CEP112: variants seen among roughly 807,000 people sequenced by gnomAD.
The protein encoded by CEP112 is centrosomal protein 112.
In CEP112, 127 loss-of-function variants were observed where a neutral mutation model predicts 153.0. The ratio of observed to expected loss-of-function variants is 0.83; its 90% CI spans 0.72 to 0.96. CEP112 has a LOEUF of 0.96. Ranked by LOEUF, CEP112 falls within the 40% of genes least tolerant of loss-of-function variation. The pLI is 0.00. For missense variants in CEP112, 1,089 were observed against 1,101.2 expected (o/e 0.99, Z 0.16); for synonymous variants, 358 against 374.4 (o/e 0.96, Z 0.51).
chr17:65,856,184 G>A (rs1444519955), intron 20 of CEP112, among the ~76,000 whole-genome samples: 2 of 152,144 alleles, frequency 1.3e-5, no homozygotes, highest in East Asian at 3.8e-4. Context: ...AAGTGAAAAT[G>A]ATAGGAAAAA....
chr17:65,864,076 G>A (rs1394713179), intron 20 of CEP112, among the ~76,000 whole-genome samples: 1 of 150,988 alleles, frequency 6.6e-6, no homozygotes, highest in Non-Finnish European at 1.5e-5. Flanking sequence ...GGGAGGCAGA[G>A]GTTGCAGTGA....
intron 4 of CEP112, among the ~76,000 whole-genome samples, chr17:66,170,284 C>A (rs532145826): frequency 6.6e-6 from 1 of 152,168 alleles, no homozygotes; most frequent in South Asian, 2.1e-4. Context: ...CTTTATCAGA[C>A]CTCCATGGTA....
chr17:65,693,811 C>T (rs2048235202), intron 23 of CEP112, among the ~76,000 whole-genome samples: 1 of 152,132 alleles, frequency 6.6e-6, no homozygotes, highest in African/African-American at 2.4e-5. Context: ...GGAGACAGGA[C>T]CTCTGGCAGG....
chr17:65,820,760 AT>A (rs1214995216), intron 21 of CEP112, among the ~76,000 whole-genome samples: 2 of 152,186 alleles, frequency 1.3e-5, no homozygotes, highest in Non-Finnish European at 2.9e-5. Context: ...ACAGGCCTAA[AT>A]TTATAGAAAT....
rs142360483 is a variant in CEP112 at position 65,849,937 on chromosome 17, C to T, written c.2394+1867G>A. On this transcript the variant is annotated intron_variant, in intron 21 of 26. Coordinates refer to ENST00000535342, the MANE Select transcript of CEP112 (RefSeq NM_001199165.4). ...GGGAGGTCGAGTTGGGTGGATTGTCCGAAGTCAGGAGTTTGAGACCATCCT... is the reference window on the plus strand; with the variant it reads ...GGGAGGTCGAGTTGGGTGGATTGTCTGAAGTCAGGAGTTTGAGACCATCCT... Among the ~76,000 whole-genome samples, 846 of 151,960 alleles carry T rather than the reference C, an allele frequency of 5.6e-3. 10 individuals carry two copies. Among genetic ancestry groups the T allele is most frequent in the African/African-American group, 0.019 (799 of 41,452 alleles).
At chr17:65,913,113 T>C (rs2060346768) in intron 19 of CEP112, among the ~76,000 whole-genome samples, 1 of 152,222 alleles carries the variant, frequency 6.6e-6, no homozygotes, top group Non-Finnish European at 1.5e-5. Flanking sequence ...TTTAACATCA[T>C]CAGGTTATGT....
rs528969581 is a variant in CEP112, at chr17:66,101,652, T to A, written c.643-5020A>T. Among the ~76,000 whole-genome samples, 4 of 152,132 alleles carry A rather than the reference T, an allele frequency of 2.6e-5. No individual in the cohort carries two copies. In the South Asian group the frequency reaches 8.3e-4, roughly 31 times the overall value. On this transcript the variant is annotated intron_variant, in intron 6 of 26. Coordinates refer to ENST00000535342, the MANE Select transcript of CEP112 (RefSeq NM_001199165.4). Reference sequence around the variant, plus strand: ...TTGTAAAAAAAAAAACTGGTTTCTTTAACAAGATAGCATAAACCTAATTGA... The same window carrying A: ...TTGTAAAAAAAAAAACTGGTTTCTTAAACAAGATAGCATAAACCTAATTGA...
At chr17:65,825,099 AATGG>A (rs2056775557) in intron 21 of CEP112, among the ~76,000 whole-genome samples, 1 of 152,350 alleles carries the variant, frequency 6.6e-6, no homozygotes, top group East Asian at 1.9e-4. Context: ...TTGGCAGATG[AATGG>A]ATGAACAAAA....
At chr17:65,711,518 T>A (rs746011826) in intron 23 of CEP112, among the ~76,000 whole-genome samples, 2 of 152,184 alleles carry the variant, frequency 1.3e-5, no homozygotes, top group Non-Finnish European at 2.9e-5. Flanking sequence ...TGGGCAACCA[T>A]ATTTACCTAT....
chr17:66,127,411 T>C (rs983719933), intron 6 of CEP112, among the ~76,000 whole-genome samples: 12 of 152,236 alleles, frequency 7.9e-5, no homozygotes, highest in African/African-American at 2.9e-4. Flanking sequence ...TAACAGGACT[T>C]GCCTCCAATG....
intron 21 of CEP112, among the ~76,000 whole-genome samples, chr17:65,763,265 ATATGG>A (rs1213006457): frequency 6.6e-6 from 1 of 151,932 alleles, no homozygotes; most frequent in Non-Finnish European, 1.5e-5. Context: ...TGCATTTTGA[ATATGG>A]TATGCCTAGG....
At chr17:66,140,826 T>C (rs1265180019) in intron 4 of CEP112, among the ~76,000 whole-genome samples, 1 of 151,996 alleles carries the variant, frequency 6.6e-6, no homozygotes, top group East Asian at 1.9e-4. Context: ...TTTTTATTTT[T>C]AGTAGAGTTG....
At chr17:65,676,064 C>A (rs759972978) in intron 24 of CEP112, among the ~76,000 whole-genome samples, 2 of 152,124 alleles carry the variant, frequency 1.3e-5, no homozygotes, top group African/African-American at 4.8e-5. Context: ...TAAGGCCAGG[C>A]GCAGTGGTTC....
At chr17:66,013,489 T>C (rs2064631307) in intron 16 of CEP112, among the ~76,000 whole-genome samples, 1 of 152,154 alleles carries the variant, frequency 6.6e-6, no homozygotes, top group Non-Finnish European at 1.5e-5. Flanking sequence ...CTAGTAGATT[T>C]TGAGGAGCCA....
chr17:65,983,118 G>C (rs2063288151), intron 17 of CEP112, among the ~76,000 whole-genome samples: 1 of 152,206 alleles, frequency 6.6e-6, no homozygotes, highest in Non-Finnish European at 1.5e-5. Context: ...TTGTGATGAT[G>C]AAAGTGATCT....
chr17:65,759,758 C>T (rs1395938908), intron 21 of CEP112, among the ~76,000 whole-genome samples: 1 of 152,026 alleles, frequency 6.6e-6, no homozygotes. Context: ...TTTAGTTGTT[C>T]TTTGATTTAT....
chr17:66,106,399 C>T (rs2068784574), intron 6 of CEP112, among the ~76,000 whole-genome samples: 1 of 151,534 alleles, frequency 6.6e-6, no homozygotes, highest in Non-Finnish European at 1.5e-5. Flanking sequence ...AGCCTTCAAC[C>T]AGATGAAGTA....
intron 17 of CEP112, among the ~76,000 whole-genome samples, chr17:65,998,411 T>C (rs2063877446): frequency 8.2e-6 from 1 of 121,272 alleles, no homozygotes; most frequent in Non-Finnish European, 1.8e-5. Flanking sequence ...AAAAAGGAAA[T>C]GTTCTAAAAT....
chr17:66,181,438 C>T (rs542904252), intron 2 of CEP112, among the ~76,000 whole-genome samples: 2 of 152,040 alleles, frequency 1.3e-5, no homozygotes, highest in Non-Finnish European at 2.9e-5. Flanking sequence ...CTCTGCCTCC[C>T]GAGTTCACGC....
Sources: gnomAD v4.1 joint callset for allele counts (sites outside exome capture counted in the v4.1 genomes callset) on GRCh38, gnomAD v4.1.1 for gene constraint, MANE v1.5 for transcripts, NCBI Gene and HGNC (gene_info 2026-07-23, HGNC 2026-07-21) for gene names.